Variants in LHFPL3 observed in about 807,000 individuals in gnomAD.
LHFPL3 encodes LHFPL tetraspan subfamily member 3 protein.
In LHFPL3, 5 loss-of-function variants were observed where a neutral mutation model predicts 19.3. That is an observed-to-expected ratio of 0.26 (90% CI 0.14 to 0.54). LHFPL3 has a LOEUF of 0.54. Ranked by LOEUF, LHFPL3 falls within the 20% of genes least tolerant of loss-of-function variation. The pLI is 0.94. For missense variants in LHFPL3, 249 were observed against 307.4 expected (o/e 0.81, Z 1.42); for synonymous variants, 133 against 126.2 (o/e 1.05, Z -0.36).
chr7:104,818,811 A>C (rs982234382), intron 2 of LHFPL3, among the ~76,000 whole-genome samples: 1 of 151,598 alleles, frequency 6.6e-6, no homozygotes, highest in African/African-American at 2.4e-5. Context: ...TCACTCACTC[A>C]AATGCTAAAA....
intron 2 of LHFPL3, among the ~76,000 whole-genome samples, chr7:104,865,207 A>G (rs1254813118): frequency 2.6e-5 from 4 of 152,228 alleles, no homozygotes; most frequent in Non-Finnish European, 5.9e-5. Flanking sequence ...CACCAGCAAC[A>G]GAACAAAGCT....
intron 1 of LHFPL3, among the ~76,000 whole-genome samples, chr7:104,645,654 C>CTTT (rs869151153): frequency 0.2 from 16,268 of 81,634 alleles, 4,353 homozygotes; most frequent in African/African-American, 0.34. Context: ...ATTGGGTTTT[C>CTTT]TTTTTTTTTT....
intron 1 of LHFPL3, among the ~76,000 whole-genome samples, chr7:104,603,625 T>A (rs1791029859): frequency 6.6e-6 from 1 of 152,160 alleles, no homozygotes; most frequent in Non-Finnish European, 1.5e-5. Flanking sequence ...CATCTGTGAA[T>A]CTGTGAAATC....
intron 1 of LHFPL3, among the ~76,000 whole-genome samples, chr7:104,577,668 G>A (rs557037246): frequency 1.7e-4 from 26 of 152,266 alleles, no homozygotes; most frequent in African/African-American, 6.3e-4. Flanking sequence ...TTTGCTAGAT[G>A]TTCTCTGGTT....
intron 1 of LHFPL3, among the ~76,000 whole-genome samples, chr7:104,726,577 G>A (rs1320609424): frequency 2.0e-5 from 3 of 152,114 alleles, no homozygotes; most frequent in Admixed American, 2.0e-4. Context: ...GTGAGACCAT[G>A]CAGTGTCTGG....
At chr7:104,867,615 C>G (rs569657647) in intron 2 of LHFPL3, among the ~76,000 whole-genome samples, 2 of 152,256 alleles carry the variant, frequency 1.3e-5, no homozygotes, top group African/African-American at 4.8e-5. Context: ...AAGTCCAGGA[C>G]CAGATGGAGT....
rs542154691 is a variant in LHFPL3 at position 104,857,744 on chromosome 7, T to C, written c.683-48443T>C. 1.4e-4 allele frequency among the ~76,000 whole-genome samples: 22 copies of C among 152,316 alleles called. No individual in the cohort carries two copies. The East Asian group carries it at 4.2e-3, about 29-fold the overall frequency. On this transcript the variant is annotated intron_variant, in intron 2 of 2. Coordinates refer to ENST00000424859, the MANE Select transcript of LHFPL3 (RefSeq NM_199000.3). ...GGAGAATTGTAATTTTTAACATGTTTTGATGTGTTAATGTTAGTCTTTTTC... is the reference window on the plus strand; with the variant it reads ...GGAGAATTGTAATTTTTAACATGTTCTGATGTGTTAATGTTAGTCTTTTTC...
At chr7:104,547,248 A>T (rs1794591797) in intron 1 of LHFPL3, among the ~76,000 whole-genome samples, 1 of 24,566 alleles carries the variant, frequency 4.1e-5, no homozygotes, top group Admixed American at 4.5e-4. Flanking sequence ...GTCTCAAAAA[A>T]AAAAAAAAAA....
chr7:104,540,841 C>T (rs1347051458), intron 1 of LHFPL3, among the ~76,000 whole-genome samples: 1 of 152,112 alleles, frequency 6.6e-6, no homozygotes, highest in African/African-American at 2.4e-5. Flanking sequence ...AGGCCAGTCA[C>T]TTATTGATTA....
rs370316447 is a variant in LHFPL3 at position 104,741,801 on chromosome 7, C to A, written c.682+4890C>A. Among the ~76,000 whole-genome samples, 21 of 152,250 alleles carry A rather than the reference C, an allele frequency of 1.4e-4. 1 individual carries two copies. The highest frequency in any genetic ancestry group is 6.8e-3 in the Middle Eastern group (2 of 294). ...TCAAGGGATCCTCCTGCCTCGGCCT[C>A]CCAAAGCAGCAGGATTACAAGTGTG... On this transcript the variant is annotated intron_variant, in intron 2 of 2. Transcript: ENST00000424859.
At chr7:104,367,014 T>C (rs888608827) in intron 1 of LHFPL3, among the ~76,000 whole-genome samples, 1 of 152,116 alleles carries the variant, frequency 6.6e-6, no homozygotes, top group Non-Finnish European at 1.5e-5. Flanking sequence ...AGCTTACTTA[T>C]GATTGTCCTG....
chr7:104,713,555 A>G (rs1276899672), intron 1 of LHFPL3, among the ~76,000 whole-genome samples: 1 of 152,160 alleles, frequency 6.6e-6, no homozygotes, highest in Non-Finnish European at 1.5e-5. Context: ...GTAGCAAGGG[A>G]GAAATCAGCC....
At position 104,741,325 on chromosome 7, in the gene LHFPL3, A is replaced by G. The variant is rs1355220473; in HGVS notation, c.682+4414A>G. ...AGGAATTTTAACATACTTAAAAAGTACATTAAAAATGTACTTTCATGAAAC... is the reference window on the plus strand; with the variant it reads ...AGGAATTTTAACATACTTAAAAAGTGCATTAAAAATGTACTTTCATGAAAC... On this transcript the variant is annotated intron_variant, in intron 2 of 2. Transcript: ENST00000424859. 2.0e-5 allele frequency among the ~76,000 whole-genome samples: 3 copies of G among 152,182 alleles called. No individual in the cohort carries two copies. The East Asian group carries it at 5.8e-4, about 29-fold the overall frequency.
chr7:104,689,577 A>T (rs897507458), intron 1 of LHFPL3, among the ~76,000 whole-genome samples: 3 of 152,110 alleles, frequency 2.0e-5, no homozygotes, highest in Non-Finnish European at 4.4e-5. Context: ...TTAAGGAGGG[A>T]CCCCACTACA....
intron 1 of LHFPL3, among the ~76,000 whole-genome samples, chr7:104,398,794 G>A (rs1453921556): frequency 2.6e-5 from 4 of 151,994 alleles, no homozygotes; most frequent in African/African-American, 9.7e-5. Flanking sequence ...TCTGTTCTTC[G>A]CTGGCAGATT....
chr7:104,731,143 T>G (rs1372668700), intron 1 of LHFPL3, among the ~76,000 whole-genome samples: 2 of 152,248 alleles, frequency 1.3e-5, no homozygotes, highest in Non-Finnish European at 2.9e-5. Context: ...TTTTGGTTAC[T>G]GTACCCTTGT....
intron 1 of LHFPL3, among the ~76,000 whole-genome samples, chr7:104,694,873 T>C (rs1297844874): frequency 6.6e-6 from 1 of 152,256 alleles, no homozygotes; most frequent in Non-Finnish European, 1.5e-5. Context: ...ATGATACTTA[T>C]GCTGAAGAGT....
intron 2 of LHFPL3, among the ~76,000 whole-genome samples, chr7:104,755,587 C>CAT (rs1794268322): frequency 6.6e-6 from 1 of 151,748 alleles, no homozygotes; most frequent in African/African-American, 2.4e-5. Flanking sequence ...CACCACCACA[C>CAT]ACACACACAC....
At chr7:104,882,280 C>T (rs1318083173) in intron 2 of LHFPL3, among the ~76,000 whole-genome samples, 1 of 152,166 alleles carries the variant, frequency 6.6e-6, no homozygotes. Context: ...TGGAGTCTCA[C>T]TCTGTCACCC....
Sources: gnomAD v4.1 joint callset for allele counts (sites outside exome capture counted in the v4.1 genomes callset) on GRCh38, gnomAD v4.1.1 for gene constraint, MANE v1.5 for transcripts, NCBI Gene and HGNC (gene_info 2026-07-23, HGNC 2026-07-21) for gene names.